Variants in BTD observed in about 807,000 individuals in gnomAD.
The protein encoded by BTD is biotinidase.
In BTD, 13 loss-of-function variants were observed where a neutral mutation model predicts 17.7. The ratio of observed to expected loss-of-function variants is 0.74; its 90% CI spans 0.48 to 1.17. BTD has a LOEUF of 1.17. Among genes scored for constraint, BTD ranks in the 50% most tolerant of loss-of-function variants. The pLI is 0.00. For synonymous variants in BTD, 240 were observed against 245.2 expected, an observed-to-expected ratio of 0.98 and a Z score of 0.20; for missense variants, 674 against 650.4, an observed-to-expected ratio of 1.04 and a Z score of -0.39.
chr3:15,662,694 G>A (rs956500246), intron 3 of BTD, among the ~76,000 whole-genome samples: 2 of 152,024 alleles, frequency 1.3e-5, no homozygotes, highest in Non-Finnish European at 2.9e-5. Context: ...GAGTGCAGTG[G>A]CATGATCATG....
At chr3:15,701,672 T>C (rs2070654999) in intron 3 of BTD, among the ~76,000 whole-genome samples, 1 of 151,046 alleles carries the variant, frequency 6.6e-6, no homozygotes, top group African/African-American at 2.5e-5. Context: ...ATAAATAAAA[T>C]AAAAAGGTTA....
chr3:15,604,628 A>G (rs755330390), intron 1 of BTD, among the ~76,000 whole-genome samples: 6 of 152,198 alleles, frequency 3.9e-5, no homozygotes, highest in Admixed American at 1.3e-4. Context: ...TTTATTTTCT[A>G]CTGCATCGTC....
At chr3:15,684,771 G>A (rs1190885491) in intron 3 of BTD, 3 of 164,014 alleles carry the variant, frequency 1.8e-5, no homozygotes, top group African/African-American at 4.9e-5. Context: ...CTATATAAAA[G>A]CAATGGAAAC....
At chr3:15,614,047 A>C (rs1180716784) in intron 1 of BTD, among the ~76,000 whole-genome samples, 1 of 150,214 alleles carries the variant, frequency 6.7e-6, no homozygotes, top group Non-Finnish European at 1.5e-5. Flanking sequence ...TATTATTAAA[A>C]TTCTCACCTA....
Position 15,645,609 on chromosome 3 carries a change from C to T in BTD, c.*121C>T, listed in dbSNP as rs1001475875. ...AGGGCAGGAGCCCACTTCTGTGGCACCAGATTCCACCCTGGGAACTGTGGA... is the reference window on the plus strand; with the variant it reads ...AGGGCAGGAGCCCACTTCTGTGGCATCAGATTCCACCCTGGGAACTGTGGA... On this transcript the variant is annotated 3_prime_UTR_variant, in exon 4 of 4. Transcript: ENST00000643237. 8.9e-6 allele frequency: 10 copies of T among 1,117,584 alleles called. No homozygotes were observed. The highest frequency in any genetic ancestry group is 1.3e-5 in the Non-Finnish European group (10 of 785,832). The allele number at this position is 1,117,584 out of a possible 1,614,324, so 69.2% of individuals were successfully genotyped here.
intron 1 of BTD, among the ~76,000 whole-genome samples, chr3:15,626,163 GT>G (rs2065061188): frequency 6.6e-6 from 1 of 152,240 alleles, no homozygotes; most frequent in Non-Finnish European, 1.5e-5. Context: ...TATTATTCCT[GT>G]TGTTATTCAT....
At chr3:15,625,536 T>C (rs2065045337) in intron 1 of BTD, among the ~76,000 whole-genome samples, 1 of 151,744 alleles carries the variant, frequency 6.6e-6, no homozygotes, top group African/African-American at 2.4e-5. Flanking sequence ...TTGTTTTTTG[T>C]TTGTTTGTTT....
chr3:15,687,529 G>GA (rs948588091), intron 3 of BTD, among the ~76,000 whole-genome samples: 7 of 151,936 alleles, frequency 4.6e-5, no homozygotes, highest in Non-Finnish European at 8.8e-5. Context: ...AAATACATTA[G>GA]AAAAAAATGT....
chr3:15,704,922 C>T (rs1448061843), intron 3 of BTD, among the ~76,000 whole-genome samples: 1 of 152,124 alleles, frequency 6.6e-6, no homozygotes, highest in African/African-American at 2.4e-5. Context: ...AACAGAGGCT[C>T]CCATTAACAG....
At position 15,635,087 on chromosome 3, in the gene BTD, T is replaced by C. The variant is rs2065307608; in HGVS notation, c.-16-337T>C. On this transcript the variant is annotated intron_variant, in intron 1 of 3. Transcript: ENST00000643237. The surrounding 1 kb of genome is among the most constrained non-coding windows in gnomAD (Gnocchi z 4.1). ...TATGTCAAATAATCTGGATAGTTAC[T>C]ACTGCTTAAAATCTAAGTGCACAGC... Among the ~76,000 whole-genome samples, 2 of 152,220 alleles carry C rather than the reference T, an allele frequency of 1.3e-5. No homozygotes were observed. The highest frequency in any genetic ancestry group is 4.8e-5 in the African/African-American group (2 of 41,456).
intron 3 of BTD, among the ~76,000 whole-genome samples, chr3:15,673,647 T>C (rs1449132440): frequency 6.6e-6 from 1 of 152,124 alleles, no homozygotes; most frequent in Admixed American, 6.6e-5. Context: ...AAAGAATAGT[T>C]AGAATATGCT....
At chr3:15,713,748 C>T, downstream of BTD, 5 of 589,638 alleles carry the variant, frequency 8.5e-6, no homozygotes, top group East Asian at 1.2e-4. Context: ...CTAATAGATA[C>T]AGCAATTTTA....
chr3:15,714,031 T>C (rs2072674565), downstream of BTD, among the ~76,000 whole-genome samples: 1 of 152,164 alleles, frequency 6.6e-6, no homozygotes, highest in Admixed American at 6.6e-5. Context: ...TATTTCAACT[T>C]TTCCCCTGCA....
In BTD at chr3:15,671,251, A is replaced by C. The variant is rs564510896; in HGVS notation, c.399+29194A>C. ...ACTGACCTTAGTCGTAAGTTACCACAAAGTGTCAACACAGCAAACCAAGGA... is the reference window on the plus strand; with the variant it reads ...ACTGACCTTAGTCGTAAGTTACCACCAAGTGTCAACACAGCAAACCAAGGA... On this transcript the variant is annotated intron_variant, in intron 3 of 3. Coordinates refer to the BTD transcript ENST00000672141. Among the ~76,000 whole-genome samples, 10 of 152,342 alleles carry C rather than the reference A, an allele frequency of 6.6e-5. No individual in the cohort carries two copies. The South Asian group carries it at 1.7e-3, about 25-fold the overall frequency.
At chr3:15,671,577 A>ATTT (rs2066356146) in intron 3 of BTD, among the ~76,000 whole-genome samples, 1 of 145,220 alleles carries the variant, frequency 6.9e-6, no homozygotes, top group African/African-American at 2.8e-5. Flanking sequence ...TAAACACTAT[A>ATTT]GTTTTTTTTT....
At chr3:15,643,041 A>AAAT (rs1553653335) in intron 3 of BTD, among the ~76,000 whole-genome samples, 2 of 134,774 alleles carry the variant, frequency 1.5e-5, no homozygotes, top group African/African-American at 6.7e-5. Context: ...AAAAAAAAAA[A>AAAT]AAATAAAATA....
In BTD at chr3:15,678,281, C is replaced by T. The variant is rs780872483; in HGVS notation, c.400-31779C>T. The T allele has an allele frequency of 2.2e-5, 35 of 1,613,068 alleles. 1 individual carries two copies. In the South Asian group the frequency reaches 3.6e-4, roughly 17 times the overall value. On this transcript the variant is annotated intron_variant, in intron 3 of 3. Transcript: ENST00000672141. ...TTCCCTGTAGAGTCCACAGAATTGA[C>T]TTGAGCATTATGGCTGAGCAGCAGC...
At chr3:15,601,979 G>A (rs1559571263) in intron 1 of BTD, 85 bp downstream of exon 1, 1 of 1,576,896 alleles carries the variant, frequency 6.3e-7, no homozygotes, top group African/African-American at 1.3e-5. Context: ...AGTTGGACTT[G>A]GGGAGGGCTG....
At position 15,698,816 on chromosome 3, in the gene BTD, C is replaced by T. The variant is rs570274792; in HGVS notation, c.400-11244C>T. On this transcript the variant is annotated intron_variant, in intron 3 of 3. Coordinates refer to the BTD transcript ENST00000672141. Reference sequence around the variant, plus strand: ...ATATTGTGAAAATGGCCATACTACCCGAGGTACTTTATAGATTGAATGCCA... The same window carrying T: ...ATATTGTGAAAATGGCCATACTACCTGAGGTACTTTATAGATTGAATGCCA... 5.9e-5 allele frequency among the ~76,000 whole-genome samples: 9 copies of T among 152,222 alleles called. No individual in the cohort carries two copies. In the East Asian group the frequency reaches 7.7e-4, roughly 13 times the overall value.
Sources: allele counts gnomAD v4.1 joint callset (sites outside exome capture counted in the v4.1 genomes callset), GRCh38; gene constraint gnomAD v4.1.1; non-coding constraint Gnocchi (gnomAD v3.1); transcripts MANE v1.5; gene names NCBI Gene and HGNC (gene_info 2026-07-23, HGNC 2026-07-21).